Variants in ATP2C2 observed in about 807,000 individuals in gnomAD.
ATP2C2 encodes the protein ATPase secretory pathway Ca2+ transporting 2, also known as calcium-transporting ATPase type 2C member 2.
In ATP2C2, 171 loss-of-function variants were observed where a neutral mutation model predicts 110.8. The observed-to-expected ratio is 1.54, with a 90% CI of 1.36 to 1.75. The LOEUF is 1.75. ATP2C2 is among the 40% of genes most tolerant of loss of function. The pLI is 0.00. For missense variants in ATP2C2, 1,963 were observed against 1,235.0 expected (o/e 1.59, Z -8.84); for synonymous variants, 804 against 508.4 (o/e 1.58, Z -7.82).
intron 16 of ATP2C2, among the ~76,000 whole-genome samples, chr16:84,446,797 C>G: frequency 6.6e-6 from 1 of 152,164 alleles, no homozygotes; most frequent in East Asian, 1.9e-4. Flanking sequence ...ATGTTGAGAT[C>G]GACCAGCCTG....
chr16:84,462,158 G>T lies in ATP2C2; in HGVS notation c.2722+29G>T, dbSNP rs370242831. 8 of 1,599,368 alleles carry T rather than the reference G, an allele frequency of 5.0e-6. No homozygotes were observed. The South Asian group carries it at 8.9e-5, about 18-fold the overall frequency. On this transcript the variant is annotated intron_variant, in intron 26 of 26. Coordinates refer to ENST00000262429, the MANE Select transcript of ATP2C2 (RefSeq NM_014861.4). ...AGTGGTGGGGACGGGAACGACAGGT[G>T]ACCTCGACCAGGGCCATGGGGGGCG...
Position 84,446,210 on chromosome 16 carries a change from T to G in ATP2C2, c.1402-119T>G. 3 of 493,664 alleles carry G rather than the reference T, an allele frequency of 6.1e-6. No homozygotes were observed. The South Asian group carries it at 1.8e-4, about 30-fold the overall frequency. 30.6% of individuals were successfully genotyped at this position (493,664 alleles called of 1,614,324 possible). On this transcript the variant is annotated intron_variant, in intron 15 of 26. Coordinates refer to ENST00000262429, the MANE Select transcript of ATP2C2 (RefSeq NM_014861.4). ...AATGGCCTTTTTTCTATGTGCTAAA[T>G]GCTTGGATTTCTTATCTGCCAGAGG... is the stretch of plus-strand genomic sequence containing the variant.
At chr16:84,415,008 G>A (rs564374857) in intron 6 of ATP2C2, among the ~76,000 whole-genome samples, 50 of 152,238 alleles carry the variant, frequency 3.3e-4, no homozygotes, top group South Asian at 1.9e-3. Context: ...GAGCCTGTAC[G>A]GAAGCATATC....
Position 84,368,636 on chromosome 16 carries a change from C to G in ATP2C2, c.21C>G (p.Ser7=), listed in dbSNP as rs769375498. Residue 7 remains serine (S), a synonymous_variant, in exon 1 of 27, where the codon TCC becomes TCG. Coordinates refer to ENST00000262429, the MANE Select transcript of ATP2C2 (RefSeq NM_014861.4). MVEGRV[S]EFLKKLGFSG... is the part of the protein sequence containing the mutation. ...TCACCATGGTCGAGGGACGCGTCTC[C>G]GAGTTCCTGAAGAAACTCGGCTTCT... 2 of 1,563,988 alleles carry G rather than the reference C, an allele frequency of 1.3e-6. No homozygotes were observed. Among genetic ancestry groups the G allele is most frequent in the South Asian group, 2.3e-5 (2 of 86,754 alleles).
chr16:84,460,341 C>T (rs1003504469), intron 23 of ATP2C2: 5 of 375,070 alleles, frequency 1.3e-5, no homozygotes, highest in Non-Finnish European at 1.5e-5. Context: ...TCTCCAGGCG[C>T]AACGTTGGGG....
intron 11 of ATP2C2, among the ~76,000 whole-genome samples, chr16:84,427,682 C>A (rs1445773136): frequency 2.6e-5 from 4 of 152,048 alleles, no homozygotes; most frequent in Admixed American, 6.6e-5. Context: ...GCGCCACTGC[C>A]CTCCAGCCTG....
intron 15 of ATP2C2, among the ~76,000 whole-genome samples, chr16:84,445,848 G>T (rs1439377448): frequency 1.3e-5 from 2 of 152,216 alleles, no homozygotes; most frequent in African/African-American, 2.4e-5. Context: ...GTCATGACTG[G>T]TTTACACCTG....
At position 84,437,077 on chromosome 16, in the gene ATP2C2, C is replaced by G. The variant is rs76916351; in HGVS notation, c.987-2089C>G. On this transcript the variant is annotated intron_variant, in intron 11 of 26. Transcript: ENST00000262429. ...ACACCCGGCCTTTTTCTTTCTTAAA[C>G]AGCTTTATTGAGATATAATTCACAT... Among the ~76,000 whole-genome samples, 1,284 of 152,098 alleles carry G rather than the reference C, an allele frequency of 8.4e-3. 21 individuals are homozygous for G. The highest frequency in any genetic ancestry group is 0.03 in the African/African-American group (1,230 of 41,516).
At position 84,403,006 on chromosome 16, in the gene ATP2C2, C is replaced by G. The variant is rs140534342; in HGVS notation, c.211-2122C>G. Among the ~76,000 whole-genome samples, 519 of 152,210 alleles carry G rather than the reference C, an allele frequency of 3.4e-3. 3 individuals carry two copies. Among genetic ancestry groups the G allele is most frequent in the African/African-American group, 0.011 (451 of 41,536 alleles). On this transcript the variant is annotated intron_variant, in intron 2 of 26. Transcript: ENST00000262429. ...CTTTTGGATTTCTTCATGGTTCCATCTTGGTAGGTTCTGTGTGTCTAGGAA... is the reference window on the plus strand; with the variant it reads ...CTTTTGGATTTCTTCATGGTTCCATGTTGGTAGGTTCTGTGTGTCTAGGAA...
chr16:84,413,065 T>C (rs1906521461), intron 6 of ATP2C2, among the ~76,000 whole-genome samples: 1 of 146,400 alleles, frequency 6.8e-6, no homozygotes, highest in Admixed American at 7.0e-5. Flanking sequence ...TCCATTGTAC[T>C]CCAGCCTGTG....
At chr16:84,421,648 G>A (rs1033479979) in intron 7 of ATP2C2, among the ~76,000 whole-genome samples, 1 of 152,182 alleles carries the variant, frequency 6.6e-6, no homozygotes, top group Non-Finnish European at 1.5e-5. Context: ...TAAGTCTGGG[G>A]TCAAGTTGCG....
At chr16:84,453,267 G>T (rs1567740525) in intron 19 of ATP2C2, 32 bp downstream of exon 19, 4 of 1,614,046 alleles carry the variant, frequency 2.5e-6, no homozygotes, top group South Asian at 2.2e-5. Context: ...TGGCAGTGGG[G>T]CTGGGTCACA....
intron 11 of ATP2C2, among the ~76,000 whole-genome samples, chr16:84,429,828 G>A (rs1362732235): frequency 6.6e-6 from 1 of 152,138 alleles, no homozygotes; most frequent in Non-Finnish European, 1.5e-5. Context: ...GGAAACAGAA[G>A]CTTATTCTCA....
Position 84,453,215 on chromosome 16 carries a change from C to T in ATP2C2, c.1909C>T (p.Leu637=), listed in dbSNP as rs267604667. The T allele has an allele frequency of 6.2e-6, 10 of 1,613,906 alleles. No individual in the cohort carries two copies. The highest frequency in any genetic ancestry group is 1.1e-5 in the South Asian group (1 of 91,074). ...GGTGGACAGCGTGGAGAAGGGCGAGCTGGCCGACCGCGTGGGGAAGGTGGG... is the reference window on the plus strand; with the variant it reads ...GGTGGACAGCGTGGAGAAGGGCGAGTTGGCCGACCGCGTGGGGAAGGTGGG... ...EEVDSVEKGE[L]ADRVGKVSVF... The change falls in exon 19 of 27, where the codon CTG becomes TTG. Residue 637 remains leucine, a synonymous_variant. Transcript: ENST00000262429.
Position 84,368,865 on chromosome 16 carries a change from C to T in ATP2C2, c.99+151C>T, listed in dbSNP as rs939931499. ...TGGAAAGAAGCTGTCCTCACAGCAA[C>T]CGCGCTCTCATCTGCGCTCTGGCGC... is the stretch of plus-strand genomic sequence containing the variant. On this transcript the variant is annotated intron_variant, in intron 1 of 26. Coordinates refer to ENST00000262429, the MANE Select transcript of ATP2C2 (RefSeq NM_014861.4). The T allele has an allele frequency of 1.0e-5, 7 of 688,342 alleles. No homozygotes were observed. In the African/African-American group the frequency reaches 1.4e-4, roughly 13 times the overall value. The allele number at this position is 688,342 out of a possible 1,614,324, so 42.6% of individuals were successfully genotyped here.
chr16:84,395,019 C>G (rs1230912104), intron 1 of ATP2C2, among the ~76,000 whole-genome samples: 3 of 152,100 alleles, frequency 2.0e-5, no homozygotes. Context: ...GCTCCACTGT[C>G]TGGATGGACC....
At chr16:84,448,482 T>A (rs1909961740) in intron 16 of ATP2C2, 51 bp from the exon 17 acceptor site, 2 of 1,567,400 alleles carry the variant, frequency 1.3e-6, no homozygotes, top group South Asian at 1.2e-5. Context: ...ATGGTCAGTA[T>A]GAACCAAGGC....
At chr16:84,441,111 C>G (rs1410126428) in intron 14 of ATP2C2, among the ~76,000 whole-genome samples, 153 bp downstream of exon 14, 14 of 152,088 alleles carry the variant, frequency 9.2e-5, no homozygotes, top group Admixed American at 9.2e-4. Context: ...AAAAAATGGC[C>G]TCAAAAGTGA....
At chr16:84,376,911 C>T (rs1483512802) in intron 1 of ATP2C2, among the ~76,000 whole-genome samples, 12 of 152,168 alleles carry the variant, frequency 7.9e-5, no homozygotes, top group Admixed American at 7.2e-4. Flanking sequence ...GGGTTCTTGT[C>T]GGAGAGGAAA....
Sources: gnomAD v4.1 joint callset for allele counts (sites outside exome capture counted in the v4.1 genomes callset) on GRCh38, gnomAD v4.1.1 for gene constraint, MANE v1.5 for transcripts, NCBI Gene and HGNC (gene_info 2026-07-23, HGNC 2026-07-21) for gene names.